Variants in SVEP1 observed in about 807,000 individuals in gnomAD.
The protein encoded by SVEP1 is sushi, von Willebrand factor type A, EGF and pentraxin domain-containing protein 1.
SVEP1 carries 164 observed loss-of-function variants against 367.3 expected under a neutral mutation model. That is an observed-to-expected ratio of 0.45 (90% CI 0.39 to 0.51). SVEP1 has a LOEUF of 0.51. Ranked by LOEUF, SVEP1 falls within the 20% of genes least tolerant of loss-of-function variation. The probability of loss-of-function intolerance (pLI) is 0.00; values close to 1 mark genes in which losing one functional copy is unlikely to be tolerated. For missense variants in SVEP1, 4,117 were observed against 4,425.3 expected, an observed-to-expected ratio of 0.93 and a Z score of 1.98; for synonymous variants, 1,666 against 1,611.6, an observed-to-expected ratio of 1.03 and a Z score of -0.81.
intron 9 of SVEP1, among the ~76,000 whole-genome samples, chr9:110,485,637 A>G (rs1157472793): frequency 2.6e-5 from 4 of 152,178 alleles, no homozygotes; most frequent in African/African-American, 9.7e-5. Flanking sequence ...TAATTTAATT[A>G]TACATTTTAT....
chr9:110,376,260 T>A (rs1827349135), intron 45 of SVEP1, among the ~76,000 whole-genome samples: 1 of 152,166 alleles, frequency 6.6e-6, no homozygotes, highest in African/African-American at 2.4e-5. Flanking sequence ...GGCAGGCACA[T>A]GCTCAGTGAG....
In SVEP1 at chr9:110,446,901, T is replaced by A; in HGVS notation, c.4260A>T (p.Thr1420=). Residue 1420 remains threonine (T), a splice_region_variant and synonymous_variant, in exon 25 of 48, where the codon ACA becomes ACT. Coordinates refer to ENST00000374469, the MANE Select transcript of SVEP1 (RefSeq NM_153366.4). ...QPGFSGKRCE[T]EQSTGFNLDF... Reference sequence around the variant, plus strand: ...TAATAACACTGAGTTGATACATACCTGTTTCACACCTTTTGCCTGAAAATC... The same window carrying A: ...TAATAACACTGAGTTGATACATACCAGTTTCACACCTTTTGCCTGAAAATC... The A allele has an allele frequency of 6.5e-7, 1 of 1,529,478 alleles. No homozygotes were observed. The highest frequency in any genetic ancestry group is 1.3e-5 in the South Asian group (1 of 77,912). The allele number at this position is 1,529,478 out of a possible 1,614,324, so 94.7% of individuals were successfully genotyped here. A position where few individuals can be genotyped will look rare whatever the true frequency, so the allele number is the denominator to read the frequency against.
intron 2 of SVEP1, among the ~76,000 whole-genome samples, chr9:110,549,107 A>G (rs770306490): frequency 1.2e-4 from 19 of 152,184 alleles, no homozygotes; most frequent in Non-Finnish European, 2.6e-4. Flanking sequence ...CTAATTTGCC[A>G]TATCACTTTA....
At chr9:110,473,131 G>A (rs1829046084) in intron 14 of SVEP1, among the ~76,000 whole-genome samples, 1 of 151,972 alleles carries the variant, frequency 6.6e-6, no homozygotes, top group African/African-American at 2.4e-5. Flanking sequence ...CCATTCTATT[G>A]TTATGTACTT....
chr9:110,394,136 C>G (rs915365799), intron 40 of SVEP1, among the ~76,000 whole-genome samples: 1 of 151,984 alleles, frequency 6.6e-6, no homozygotes, highest in Non-Finnish European at 1.5e-5. Flanking sequence ...CCTCACATGG[C>G]CGGGTATTCC....
At chr9:110,495,158 C>T (rs1002585155) in intron 8 of SVEP1, among the ~76,000 whole-genome samples, 3 of 152,186 alleles carry the variant, frequency 2.0e-5, no homozygotes, top group African/African-American at 7.2e-5. Context: ...ACTTCTCCAT[C>T]TCAATTGGTT....
intron 46 of SVEP1, among the ~76,000 whole-genome samples, chr9:110,370,941 T>G (rs1038691505): frequency 6.6e-6 from 1 of 152,158 alleles, no homozygotes; most frequent in African/African-American, 2.4e-5. Context: ...AATATACATA[T>G]TTTTGGTGAA....
intron 5 of SVEP1, among the ~76,000 whole-genome samples, chr9:110,510,064 G>A (rs139829853): frequency 6.6e-6 from 1 of 152,290 alleles, no homozygotes; most frequent in African/African-American, 2.4e-5. Context: ...ATAGAAAAAT[G>A]CAGTGATGCC....
intron 16 of SVEP1, among the ~76,000 whole-genome samples, chr9:110,469,415 A>G (rs1368072317): frequency 1.3e-5 from 2 of 152,222 alleles, no homozygotes; most frequent in Non-Finnish European, 2.9e-5. Flanking sequence ...AAAGACAGTT[A>G]ACAAAGAAAA....
chr9:110,425,678 CTT>C (rs1828243533), intron 36 of SVEP1, among the ~76,000 whole-genome samples: 1 of 152,162 alleles, frequency 6.6e-6, no homozygotes, highest in Non-Finnish European at 1.5e-5. Flanking sequence ...CTTTAAATCA[CTT>C]TTAGATAAAC....
chr9:110,416,685 G>A (rs776850391), intron 36 of SVEP1, among the ~76,000 whole-genome samples: 1 of 151,930 alleles, frequency 6.6e-6, no homozygotes, highest in Non-Finnish European at 1.5e-5. Flanking sequence ...CAAGATGAAT[G>A]ACAATAAATA....
At position 110,432,596 on chromosome 9, in the gene SVEP1, A is replaced by G. The variant is rs754295505; in HGVS notation, c.5099T>C (p.Phe1700Ser). The G allele has an allele frequency of 7.4e-6, 12 of 1,613,718 alleles. No homozygotes were observed. In the Admixed American group the frequency reaches 2.0e-4, roughly 27 times the overall value. ...AGCATAGAAGTCATCGGCTGAATGG[A>G]AGCCATTCTCCAAAGGAGGTGGCAC... ...CGVPPPLENG[F>S]HSADDFYAGS... Residue 1700 changes from phenylalanine (F) to serine (S), a missense_variant, in exon 31 of 48, where the codon TTC becomes TCC. By Grantham distance (155) the Phe-to-Ser change is radical. Transcript: ENST00000374469.
Position 110,408,782 on chromosome 9 carries a change from C to G in SVEP1, c.6818G>C (p.Gly2273Ala). The G allele has an allele frequency of 6.2e-7, 1 of 1,613,320 alleles. No individual in the cohort carries two copies. Among genetic ancestry groups the G allele is most frequent in the Non-Finnish European group, 8.5e-7 (1 of 1,179,884 alleles). The change falls in exon 38 of 48, where the codon GGC becomes GCC. Residue 2273 changes from glycine (G) to alanine (A), a missense_variant. Gly to Ala is a moderately conservative substitution (Grantham distance 60, BLOSUM62 0). This residue lies in a region of SVEP1 where 1,765 missense variants were observed against 1,781.1 expected (regional missense o/e 0.99). Transcript: ENST00000374469. The stretch of plus-strand genomic sequence containing the variant: ...TTCAAAGTTTTCTCCTTTCATGAAG[C>G]CATTCTGGATCGGGGGAGGTTTTCC... Reference protein sequence around the residue: ...DCGKPPPIQNGFMKGENFEVG... With the variant: ...DCGKPPPIQNAFMKGENFEVG...
Position 110,429,127 on chromosome 9 carries a change from T to G in SVEP1, c.5807+16A>C. 1.3e-6 allele frequency: 2 copies of G among 1,534,986 alleles called. No individual in the cohort carries two copies. The highest frequency in any genetic ancestry group is 1.7e-6 in the Non-Finnish European group (2 of 1,144,194). On this transcript the variant is annotated intron_variant, in intron 35 of 47. Coordinates refer to ENST00000374469, the MANE Select transcript of SVEP1 (RefSeq NM_153366.4). The stretch of plus-strand genomic sequence containing the variant: ...ACAGTATTGTAGAAAGCTTGGTTGG[T>G]GTCTACAAATGTTACCTGTATCCTG...
intron 14 of SVEP1, among the ~76,000 whole-genome samples, chr9:110,473,911 G>A (rs1829059508): frequency 6.6e-6 from 1 of 152,166 alleles, no homozygotes; most frequent in Admixed American, 6.5e-5. Flanking sequence ...TACAATGTAT[G>A]AATATGATTT....
At position 110,392,133 on chromosome 9, in the gene SVEP1, T is replaced by TTTTATATATATATATATATATATATA. The variant is rs1554710906; in HGVS notation, c.9823-2547_9823-2546insTATATATATATATATATATATATAAA. ...CATTAACTTGTGACCCAATTCCTCA[T>TTTTATATATATATATATATATATATA]TATATATATATATATATATATCTCT... On this transcript the variant is annotated intron_variant, in intron 40 of 47. Transcript: ENST00000374469. 1.9e-3 allele frequency among the ~76,000 whole-genome samples: 191 copies of TTTTATATATATATATATATATATATA among 99,496 alleles called. 7 individuals carry two copies. Among genetic ancestry groups the TTTTATATATATATATATATATATATA allele is most frequent in the East Asian group, 0.013 (41 of 3,174 alleles). The allele number at this position is 99,496 out of a possible 152,430, so 65.3% of individuals were successfully genotyped here. A position where few individuals can be genotyped will look rare whatever the true frequency, so the allele number is the denominator to read the frequency against.
In SVEP1 at chr9:110,525,754, T is replaced by C. The variant is rs180854764; in HGVS notation, c.965-11648A>G. Among the ~76,000 whole-genome samples the C allele has an allele frequency of 1.5e-3, 231 of 151,832 alleles. 1 individual carries two copies. Among genetic ancestry groups the C allele is most frequent in the East Asian group, 9.9e-3 (51 of 5,170 alleles). On this transcript the variant is annotated intron_variant, in intron 3 of 47. Transcript: ENST00000374469. Reference sequence around the variant, plus strand: ...ATCCAGAAACAGAGCTACACTAATGTGCCTGGCTGATTTTTTTTTTTTACT... The same window carrying C: ...ATCCAGAAACAGAGCTACACTAATGCGCCTGGCTGATTTTTTTTTTTTACT...
chr9:110,557,746 C>G (rs1320572481), intron 1 of SVEP1, among the ~76,000 whole-genome samples: 1 of 151,984 alleles, frequency 6.6e-6, no homozygotes, highest in African/African-American at 2.4e-5. Flanking sequence ...GTAAATTTTG[C>G]TATCTATTAT....
chr9:110,463,509 A>G (rs1386329560), intron 18 of SVEP1, among the ~76,000 whole-genome samples: 2 of 152,050 alleles, frequency 1.3e-5, no homozygotes, highest in Admixed American at 1.3e-4. Flanking sequence ...CACTATAAAA[A>G]TAAATCAATA....
Sources: gnomAD v4.1 joint callset for allele counts (sites outside exome capture counted in the v4.1 genomes callset) on GRCh38, gnomAD v4.1.1 for gene constraint, gnomAD v4.1.1 regional missense constraint, MANE v1.5 for transcripts, NCBI Gene and HGNC (gene_info 2026-07-23, HGNC 2026-07-21) for gene names.